Variants in ASAP1 observed in about 807,000 individuals in gnomAD.
The protein encoded by ASAP1 is arf-GAP with SH3 domain, ANK repeat and PH domain-containing protein 1.
Under a neutral mutation model 145.2 loss-of-function variants are expected in ASAP1, and 43 were observed. The observed-to-expected ratio is 0.30, with a 90% CI of 0.23 to 0.38. The LOEUF is 0.38. ASAP1 is among the 10% of genes least tolerant of loss of function. The pLI is 1.00. For missense variants in ASAP1, 1,018 were observed against 1,355.3 expected (o/e 0.75, Z 3.91); for synonymous variants, 546 against 515.5 (o/e 1.06, Z -0.80).
At position 130,087,413 on chromosome 8, in the gene ASAP1, G is replaced by A. The variant is rs544686542; in HGVS notation, c.2572+4560C>T. On this transcript the variant is annotated intron_variant, in intron 25 of 29. Transcript: ENST00000518721. ...CGGGTGCCTGCAATCCCAGCTATTC[G>A]GGAGACTGAGGCAGGAGAATTGCTT... Among the ~76,000 whole-genome samples the A allele has an allele frequency of 1.6e-4, 24 of 152,206 alleles. 1 individual carries two copies. The East Asian group carries it at 1.9e-3, about 12-fold the overall frequency.
chr8:130,057,860 C>T (rs952750840), intron 29 of ASAP1, 94 bp downstream of exon 29: 1 of 1,524,154 alleles, frequency 6.6e-7, no homozygotes, highest in Non-Finnish European at 9.0e-7. Flanking sequence ...CTCAAGAGCC[C>T]TCTTTTACTG....
intron 2 of ASAP1, among the ~76,000 whole-genome samples, chr8:130,388,521 T>G (rs889041370): frequency 6.6e-6 from 1 of 152,184 alleles, no homozygotes; most frequent in African/African-American, 2.4e-5. Context: ...CAGCTGGAGA[T>G]AAAATTTGTA....
intron 1 of ASAP1, among the ~76,000 whole-genome samples, chr8:130,431,913 G>A (rs914036934): frequency 3.6e-5 from 5 of 137,020 alleles, no homozygotes; most frequent in African/African-American, 1.4e-4. Flanking sequence ...GAAATGGCGA[G>A]GAGGAAGAGA....
intron 24 of ASAP1, among the ~76,000 whole-genome samples, chr8:130,101,151 AC>A (rs1371372752): frequency 2.0e-5 from 3 of 152,204 alleles, no homozygotes; most frequent in African/African-American, 7.2e-5. Context: ...ATTTGTTTTT[AC>A]ACCAATACAA....
At chr8:130,136,904 G>A (rs2097596107) in intron 14 of ASAP1, 47 bp downstream of exon 14, 2 of 1,478,864 alleles carry the variant, frequency 1.4e-6, no homozygotes, top group Non-Finnish European at 1.9e-6. Context: ...AAATGTGCAG[G>A]TGTCAGAAGC....
chr8:130,085,996 C>T (rs1171172707), intron 25 of ASAP1, among the ~76,000 whole-genome samples: 4 of 152,096 alleles, frequency 2.6e-5, no homozygotes, highest in Admixed American at 6.5e-5. Context: ...GCCTGGGCAG[C>T]GCAGGAGCTG....
chr8:130,058,611 T>C (rs1189874705), intron 28 of ASAP1, among the ~76,000 whole-genome samples: 2 of 152,240 alleles, frequency 1.3e-5, no homozygotes, highest in Non-Finnish European at 2.9e-5. Flanking sequence ...ATGCAGTTCC[T>C]AAAACAGTTT....
chr8:130,318,137 A>T (rs1451024575), intron 3 of ASAP1, among the ~76,000 whole-genome samples: 1 of 152,210 alleles, frequency 6.6e-6, no homozygotes, highest in Non-Finnish European at 1.5e-5. Flanking sequence ...ACTGTAACAT[A>T]GTGATGCAGT....
At chr8:130,313,099 T>C (rs1823459088) in intron 3 of ASAP1, among the ~76,000 whole-genome samples, 1 of 152,226 alleles carries the variant, frequency 6.6e-6, no homozygotes, top group Non-Finnish European at 1.5e-5. Flanking sequence ...TAAGTACATT[T>C]TCACATAACC....
At chr8:130,153,672 C>T (rs1175515168) in intron 12 of ASAP1, among the ~76,000 whole-genome samples, 1 of 151,932 alleles carries the variant, frequency 6.6e-6, no homozygotes, top group Non-Finnish European at 1.5e-5. Context: ...CTGGCCGTGG[C>T]ACTGCTTTGG....
At chr8:130,107,670 C>T (rs1163464268) in intron 24 of ASAP1, among the ~76,000 whole-genome samples, 1 of 151,976 alleles carries the variant, frequency 6.6e-6, no homozygotes, top group African/African-American at 2.4e-5. Context: ...GCCTCAGAAT[C>T]CTGAGTAGCT....
At chr8:130,440,665 C>G (rs140628200) in intron 1 of ASAP1, among the ~76,000 whole-genome samples, 1 of 152,242 alleles carries the variant, frequency 6.6e-6, no homozygotes, top group African/African-American at 2.4e-5. Context: ...CGCCATTCCC[C>G]CCATCTCTCC....
At chr8:130,061,091 A>C in intron 27 of ASAP1, 22 bp from the exon 28 acceptor site, 1 of 1,520,132 alleles carries the variant, frequency 6.6e-7, no homozygotes, top group Non-Finnish European at 8.8e-7. Flanking sequence ...ATCAAAAACA[A>C]GGAGGTCATT....
chr8:130,282,937 A>T (rs1335607689), intron 3 of ASAP1, among the ~76,000 whole-genome samples: 1 of 152,212 alleles, frequency 6.6e-6, no homozygotes, highest in Non-Finnish European at 1.5e-5. Flanking sequence ...TAAAACAGCC[A>T]CTAATTGAAT....
intron 3 of ASAP1, among the ~76,000 whole-genome samples, chr8:130,304,386 A>G (rs1822864187): frequency 6.6e-6 from 1 of 152,198 alleles, no homozygotes; most frequent in Admixed American, 6.5e-5. Flanking sequence ...AAAAAGGAAC[A>G]TCATTTCCCC....
chr8:130,080,348 C>T (rs1046818627), intron 25 of ASAP1, among the ~76,000 whole-genome samples: 1 of 152,132 alleles, frequency 6.6e-6, no homozygotes, highest in East Asian at 1.9e-4. Flanking sequence ...CCTCTAGTAT[C>T]CAAACTCAGA....
intron 3 of ASAP1, among the ~76,000 whole-genome samples, chr8:130,281,588 T>A (rs1447594309): frequency 2.0e-5 from 3 of 152,138 alleles, no homozygotes; most frequent in African/African-American, 7.2e-5. Flanking sequence ...TAAAAAATAG[T>A]TTTTTTGGGG....
intron 3 of ASAP1, among the ~76,000 whole-genome samples, chr8:130,245,363 A>C (rs776825735): frequency 3.2e-4 from 48 of 152,256 alleles, no homozygotes; most frequent in Non-Finnish European, 6.3e-4. Context: ...TACGGTGCCT[A>C]CAGCTTAATG....
intron 3 of ASAP1, among the ~76,000 whole-genome samples, chr8:130,289,404 T>C (rs1341850965): frequency 6.6e-6 from 1 of 152,194 alleles, no homozygotes; most frequent in Non-Finnish European, 1.5e-5. Flanking sequence ...GTGTGTTACT[T>C]TTACATGAGA....
Sources: allele counts gnomAD v4.1 joint callset (sites outside exome capture counted in the v4.1 genomes callset), GRCh38; gene constraint gnomAD v4.1.1; transcripts MANE v1.5; gene names NCBI Gene and HGNC (gene_info 2026-07-23, HGNC 2026-07-21).